GLIPR1L1: variants seen among roughly 807,000 people sequenced by gnomAD.
The protein encoded by GLIPR1L1 is GLIPR1-like protein 1.
A neutral mutation model predicts 29.9 loss-of-function variants in GLIPR1L1; 26 were observed. That is an observed-to-expected ratio of 0.87 (90% CI 0.64 to 1.21). The LOEUF is 1.21. Ranked by LOEUF, GLIPR1L1 falls within the 50% of genes most tolerant of loss-of-function variation. The probability of loss-of-function intolerance (pLI) is 0.00; values close to 1 mark genes in which losing one functional copy is unlikely to be tolerated. For missense variants in GLIPR1L1, 305 were observed against 290.3 expected, an observed-to-expected ratio of 1.05 and a Z score of -0.37; for synonymous variants, 77 against 97.5, an observed-to-expected ratio of 0.79 and a Z score of 1.24.
chr12:75,352,649 G>A (rs1256806960), intron 3 of GLIPR1L1, among the ~76,000 whole-genome samples: 1 of 152,128 alleles, frequency 6.6e-6, no homozygotes, highest in Non-Finnish European at 1.5e-5. Context: ...TGGATCAAGT[G>A]GACCTGACAG....
At chr12:75,362,972 T>C (rs1324101272) in intron 3 of GLIPR1L1, 130 bp from the exon 4 acceptor site, 7 of 514,974 alleles carry the variant, frequency 1.4e-5, no homozygotes, top group Non-Finnish European at 2.5e-5. Flanking sequence ...AAAATAAAAT[T>C]GAGACATTAT....
chr12:75,364,222 G>A (rs1227649344), intron 4 of GLIPR1L1, among the ~76,000 whole-genome samples: 2 of 152,206 alleles, frequency 1.3e-5, no homozygotes, highest in African/African-American at 4.8e-5. Context: ...AATGAGACAT[G>A]TCTGACCTCC....
chr12:75,339,321 T>C (rs1428652445), intron 1 of GLIPR1L1, among the ~76,000 whole-genome samples: 1 of 152,216 alleles, frequency 6.6e-6, no homozygotes, highest in Non-Finnish European at 1.5e-5. Flanking sequence ...TATCCAATTG[T>C]GGTTTTGATT....
rs573880790 is a variant in GLIPR1L1 at position 75,341,620 on chromosome 12, G to T, written c.175-2073G>T. Among the ~76,000 whole-genome samples, 11 of 151,496 alleles carry T rather than the reference G, an allele frequency of 7.3e-5. No homozygotes were observed. The South Asian group carries it at 2.1e-3, about 29-fold the overall frequency. On this transcript the variant is annotated intron_variant, in intron 1 of 5. Transcript: ENST00000378695. ...CGCCACCACGCCCGCAGAATTTTTT[G>T]TATTTTTAGTGGAGACGCGGTTTCA...
intron 3 of GLIPR1L1, among the ~76,000 whole-genome samples, chr12:75,354,209 CTT>C (rs1201837639): frequency 1.3e-5 from 2 of 151,482 alleles, no homozygotes; most frequent in Non-Finnish European, 2.9e-5. Flanking sequence ...GTCAAATTGT[CTT>C]TGTCTTTGTT....
At chr12:75,358,927 T>A (rs933150538) in intron 3 of GLIPR1L1, among the ~76,000 whole-genome samples, 6 of 145,372 alleles carry the variant, frequency 4.1e-5, no homozygotes, top group African/African-American at 1.5e-4. Flanking sequence ...ACAGACTGCA[T>A]AAAACAGATA....
intron 3 of GLIPR1L1, among the ~76,000 whole-genome samples, chr12:75,361,190 T>C (rs371702945): frequency 3.4e-4 from 51 of 152,088 alleles, no homozygotes; most frequent in African/African-American, 1.1e-3. Flanking sequence ...GATTGGTCTG[T>C]TGGTATGCCA....
chr12:75,346,247 G>A (rs1250533953), intron 2 of GLIPR1L1, among the ~76,000 whole-genome samples: 1 of 152,080 alleles, frequency 6.6e-6, no homozygotes, highest in African/African-American at 2.4e-5. Context: ...TATTTTAGTT[G>A]TATTTTTGGT....
chr12:75,359,615 T>C (rs1415788538), intron 3 of GLIPR1L1, among the ~76,000 whole-genome samples: 3 of 152,086 alleles, frequency 2.0e-5, no homozygotes, highest in African/African-American at 7.2e-5. Context: ...AACATTGTGG[T>C]ATTTGCATAA....
rs1301889720 is a variant in GLIPR1L1 at position 75,363,132 on chromosome 12, A to G, written c.552A>G (p.Val184=). 7 of 1,561,350 alleles carry G rather than the reference A, an allele frequency of 4.5e-6. No homozygotes were observed. Among genetic ancestry groups the G allele is most frequent in the Non-Finnish European group, 6.0e-6 (7 of 1,160,750 alleles). The change falls in exon 4 of 6, where the codon GTA becomes GTG. Residue 184 remains valine (V), a synonymous_variant. Coordinates refer to ENST00000378695, the MANE Select transcript of GLIPR1L1 (RefSeq NM_001304964.2). The part of the protein sequence containing the change: ...AGNFANMPPY[V]RGESCSLCSK... ...ATTTTGCAAATATGCCTCCTTACGTAAGAGGAGAATCTTGCTCTCTCTGCT... is the reference window on the plus strand; with the variant it reads ...ATTTTGCAAATATGCCTCCTTACGTGAGAGGAGAATCTTGCTCTCTCTGCT...
At chr12:75,340,148 AT>A (rs1273284121) in intron 1 of GLIPR1L1, among the ~76,000 whole-genome samples, 17 of 149,722 alleles carry the variant, frequency 1.1e-4, no homozygotes, top group Non-Finnish European at 2.4e-4. Context: ...TATATATAAA[AT>A]ATATATGTAT....
chr12:75,362,999 C>A (rs1593827699), intron 3 of GLIPR1L1, 103 bp from the exon 4 acceptor site: 2 of 551,180 alleles, frequency 3.6e-6, no homozygotes, highest in Non-Finnish European at 3.3e-6. Context: ...TCATTTTCAA[C>A]ATTTATGACT....
chr12:75,368,923 A>T (rs1201814063), intron 4 of GLIPR1L1, among the ~76,000 whole-genome samples: 1 of 151,872 alleles, frequency 6.6e-6, no homozygotes, highest in Non-Finnish European at 1.5e-5. Flanking sequence ...TTTTATCCAC[A>T]TTTCAATGAA....
At chr12:75,340,294 C>T (rs2042017869) in intron 1 of GLIPR1L1, among the ~76,000 whole-genome samples, 3 of 151,666 alleles carry the variant, frequency 2.0e-5, no homozygotes, top group South Asian at 2.1e-4. Context: ...CAAAAAACGA[C>T]GTATTTTCCT....
At chr12:75,342,794 G>A (rs2042202885) in intron 1 of GLIPR1L1, among the ~76,000 whole-genome samples, 1 of 151,882 alleles carries the variant, frequency 6.6e-6, no homozygotes, top group Admixed American at 6.6e-5. Flanking sequence ...GAATATTCTG[G>A]TCCATGAACA....
intron 3 of GLIPR1L1, among the ~76,000 whole-genome samples, chr12:75,358,994 A>C (rs1025228927): frequency 6.7e-6 from 1 of 149,494 alleles, no homozygotes; most frequent in Non-Finnish European, 1.5e-5. Flanking sequence ...AAAATATAGA[A>C]AAACAGACCA....
At chr12:75,361,821 G>A (rs2043616154) in intron 3 of GLIPR1L1, among the ~76,000 whole-genome samples, 1 of 152,100 alleles carries the variant, frequency 6.6e-6, no homozygotes. Context: ...GGGGCTTACA[G>A]GTTCCTCCCT....
At chr12:75,362,506 A>G (rs1216774615) in intron 3 of GLIPR1L1, among the ~76,000 whole-genome samples, 1 of 152,192 alleles carries the variant, frequency 6.6e-6, no homozygotes, top group Non-Finnish European at 1.5e-5. Flanking sequence ...CAATGGAAGA[A>G]TATGTAACTA....
intron 4 of GLIPR1L1, among the ~76,000 whole-genome samples, chr12:75,363,811 G>A (rs910213302): frequency 1.3e-5 from 2 of 152,106 alleles, no homozygotes; most frequent in African/African-American, 4.8e-5. Flanking sequence ...GTCCAAGGTG[G>A]TCAGCCTACA....
Sources: allele counts gnomAD v4.1 joint callset (sites outside exome capture counted in the v4.1 genomes callset), GRCh38; gene constraint gnomAD v4.1.1; transcripts MANE v1.5; gene names NCBI Gene and HGNC (gene_info 2026-07-23, HGNC 2026-07-21).